PGCKA1: variants seen among roughly 807,000 people sequenced by gnomAD.
The protein encoded by PGCKA1 is PDCD10 and GCKIII kinases associated 1, also known as PDCD10 and GCKIII kinases-associated protein 1.
At chr4:37,581,572 CT>C in the PGCKA1 span, among the ~76,000 whole-genome samples, 140 of 152,214 alleles carry the variant, frequency 9.2e-4, 1 homozygote, top group South Asian at 0.018. This position sits in a 1 kb window ranked among gnomAD's most constrained non-coding sequence, Gnocchi z 4.4. Context: ...CCTCATGACT[CT>C]GCCTGGTGCC....
the PGCKA1 span, among the ~76,000 whole-genome samples, chr4:37,586,277 C>T: frequency 6.6e-6 from 1 of 152,162 alleles, no homozygotes; most frequent in Non-Finnish European, 1.5e-5. Flanking sequence ...CTGGAAATGT[C>T]TTGATTGGTT....
At chr4:37,521,594 C>T in the PGCKA1 span, among the ~76,000 whole-genome samples, 1 of 152,168 alleles carries the variant, frequency 6.6e-6, no homozygotes, top group Non-Finnish European at 1.5e-5. Flanking sequence ...AGACTCGTTT[C>T]ATGACCTAAC....
At chr4:37,555,500 C>T in the PGCKA1 span, among the ~76,000 whole-genome samples, 3 of 152,138 alleles carry the variant, frequency 2.0e-5, no homozygotes, top group African/African-American at 7.2e-5. Context: ...TTTATCTTTC[C>T]GAAAATGGTT....
the PGCKA1 span, among the ~76,000 whole-genome samples, chr4:37,484,706 A>C: frequency 0.61 from 92,407 of 152,088 alleles, 28,337 homozygotes; most frequent in South Asian, 0.76. Flanking sequence ...TATAGCAATG[A>C]AAAAATGGCC....
the PGCKA1 span, among the ~76,000 whole-genome samples, chr4:37,495,955 C>T: frequency 4.6e-5 from 7 of 151,996 alleles, no homozygotes; most frequent in Non-Finnish European, 1.0e-4. Context: ...CTTATAGATG[C>T]TGAATGTTAG....
At chr4:37,575,234 C>CTT in the PGCKA1 span, among the ~76,000 whole-genome samples, 23,005 of 152,006 alleles carry the variant, frequency 0.15, 4,796 homozygotes, top group African/African-American at 0.47. Context: ...TGAGAGTTCT[C>CTT]TTCTCCACAT....
the PGCKA1 span, among the ~76,000 whole-genome samples, chr4:37,553,290 AATT>A: frequency 2.7e-5 from 4 of 150,726 alleles, no homozygotes; most frequent in Non-Finnish European, 4.4e-5. Context: ...TTCTGGGAAA[AATT>A]ATAACTTCTT....
the PGCKA1 span, among the ~76,000 whole-genome samples, chr4:37,550,745 C>T: frequency 6.6e-6 from 1 of 152,078 alleles, no homozygotes; most frequent in Non-Finnish European, 1.5e-5. Flanking sequence ...TGCAATTAGC[C>T]GAGCATGTAG....
the PGCKA1 span, among the ~76,000 whole-genome samples, chr4:37,480,372 G>A: frequency 2.6e-5 from 4 of 152,196 alleles, no homozygotes; most frequent in African/African-American, 9.6e-5. Flanking sequence ...ACGTGCCTGT[G>A]ATCCCAGTTA....
At chr4:37,456,145 G>A in the PGCKA1 span, among the ~76,000 whole-genome samples, 1 of 152,136 alleles carries the variant, frequency 6.6e-6, no homozygotes. Context: ...GAAAAGAGTT[G>A]AGTTAAAGGG....
chr4:37,545,330 G>A, the PGCKA1 span, among the ~76,000 whole-genome samples: 1 of 152,128 alleles, frequency 6.6e-6, no homozygotes, highest in Non-Finnish European at 1.5e-5. Flanking sequence ...CCTCCACTGT[G>A]TGTCCTCTAC....
the PGCKA1 span, among the ~76,000 whole-genome samples, chr4:37,528,719 C>T: frequency 4.5e-4 from 69 of 152,248 alleles, no homozygotes; most frequent in African/African-American, 1.5e-3. Context: ...CTATAGTCTG[C>T]GGTAGCAAGA....
the PGCKA1 span, among the ~76,000 whole-genome samples, chr4:37,502,832 G>A: frequency 6.6e-6 from 1 of 152,014 alleles, no homozygotes; most frequent in Non-Finnish European, 1.5e-5. Flanking sequence ...GCTATGATGC[G>A]GCACCCTAGG....
chr4:37,573,677 C>G, the PGCKA1 span, among the ~76,000 whole-genome samples: 1 of 152,108 alleles, frequency 6.6e-6, no homozygotes, highest in Non-Finnish European at 1.5e-5. Context: ...TAAGAGCTAC[C>G]TTATTGTTAT....
At chr4:37,511,139 C>T in the PGCKA1 span, among the ~76,000 whole-genome samples, 1 of 152,082 alleles carries the variant, frequency 6.6e-6, no homozygotes, top group South Asian at 2.1e-4. Flanking sequence ...TCCAAGAATG[C>T]CATTCAAGAG....
the PGCKA1 span, chr4:37,590,707 G>A: frequency 6.2e-7 from 1 of 1,614,138 alleles, no homozygotes; most frequent in Non-Finnish European, 8.5e-7. Flanking sequence ...TGAATCCCTA[G>A]AGGGAATTCA....
At chr4:37,563,816 C>T in the PGCKA1 span, among the ~76,000 whole-genome samples, 50 of 152,330 alleles carry the variant, frequency 3.3e-4, no homozygotes, top group Non-Finnish European at 6.8e-4. Flanking sequence ...CTTCAAGTTT[C>T]TTCCAGATGT....
the PGCKA1 span, among the ~76,000 whole-genome samples, chr4:37,542,425 G>A: frequency 1.4e-4 from 22 of 152,236 alleles, no homozygotes; most frequent in African/African-American, 4.8e-4. Context: ...TAAATTGCAC[G>A]GATAAATATC....
chr4:37,481,464 CAAAAAAAAAAAAAAAAA>C, the PGCKA1 span, among the ~76,000 whole-genome samples: 101 of 61,436 alleles, frequency 1.6e-3, no homozygotes, highest in African/African-American at 6.5e-3. Flanking sequence ...GACCTGTCTC[CAAAAAAAAAAAAAAAAA>C]AAAAAAAAAA....
Sources: gnomAD v4.1 joint callset for allele counts (sites outside exome capture counted in the v4.1 genomes callset) on GRCh38, gnomAD v4.1.1 for gene constraint, Gnocchi (gnomAD v3.1) non-coding constraint, MANE v1.5 for transcripts, NCBI Gene and HGNC (gene_info 2026-07-23, HGNC 2026-07-21) for gene names.